The following ZSCAN1 variants were observed in gnomAD, a reference collection of about 807,000 sequenced individuals.
ZSCAN1 encodes zinc finger and SCAN domain containing 1, also known as zinc finger and SCAN domain-containing protein 1.
ZSCAN1 carries 23 observed loss-of-function variants against 23.8 expected under a neutral mutation model. The ratio of observed to expected loss-of-function variants is 0.97; its 90% CI spans 0.70 to 1.37. The LOEUF is 1.37. Among genes scored for constraint, ZSCAN1 ranks in the 40% most tolerant of loss-of-function variants. The pLI, the probability that ZSCAN1 is intolerant of heterozygous loss-of-function variation, is 0.00. For synonymous variants in ZSCAN1, 236 were observed against 232.3 expected (o/e 1.02, Z -0.15); for missense variants, 575 against 554.0 (o/e 1.04, Z -0.38).
chr19:58,055,758 G>A (rs1417753538), downstream of ZSCAN1, among the ~76,000 whole-genome samples: 3 of 152,264 alleles, frequency 2.0e-5, no homozygotes, highest in East Asian at 5.8e-4. Flanking sequence ...CACAATCACA[G>A]CTCAGTTTGT....
At chr19:58,038,761 C>G (rs1030001177) in intron 3 of ZSCAN1, among the ~76,000 whole-genome samples, 1 of 152,250 alleles carries the variant, frequency 6.6e-6, no homozygotes, top group African/African-American at 2.4e-5. Flanking sequence ...GACCCCACGT[C>G]GAGATTCCAT....
At position 58,045,957 on chromosome 19, in the gene ZSCAN1, G is replaced by A; in HGVS notation, c.465+5413G>A. ...AGGGCAAGCAGGTGGACAAGGCCAA[G>A]CTAGAGGCCACACTGCAGGAGAAGG... On this transcript the variant is annotated intron_variant, in intron 4 of 5. Transcript: ENST00000282326. This position sits in a 1 kb window ranked among gnomAD's most constrained non-coding sequence, Gnocchi z 4.3. 1 of 810,840 alleles carries A rather than the reference G, an allele frequency of 1.2e-6. No individual in the cohort carries two copies. The highest frequency in any genetic ancestry group is 2.1e-6 in the Non-Finnish European group (1 of 466,648). 50.2% of individuals were successfully genotyped at this position (810,840 alleles called of 1,614,324 possible).
chr19:58,042,022 A>C (rs1027192333), intron 4 of ZSCAN1, among the ~76,000 whole-genome samples: 13 of 152,202 alleles, frequency 8.5e-5, no homozygotes, highest in African/African-American at 2.4e-4. Context: ...ACCTTCAAAT[A>C]AGGAAGAGGA....
intron 4 of ZSCAN1, chr19:58,046,054 G>A (rs936041520): frequency 3.6e-5 from 25 of 685,714 alleles, no homozygotes; most frequent in Admixed American, 1.6e-4. Flanking sequence ...TGTTGAACCC[G>A]AATGTGTGGA....
At chr19:58,052,171 C>G (rs1397894703) in intron 4 of ZSCAN1, among the ~76,000 whole-genome samples, 2 of 152,238 alleles carry the variant, frequency 1.3e-5, no homozygotes, top group Admixed American at 1.3e-4. Flanking sequence ...GATCTTTGAA[C>G]AAGGGGATTT....
chr19:58,053,547 A>G lies in ZSCAN1; in HGVS notation c.723A>G (p.Pro241=). The G allele has an allele frequency of 6.2e-7, 1 of 1,614,144 alleles. No homozygotes were observed. Among genetic ancestry groups the G allele is most frequent in the Non-Finnish European group, 8.5e-7 (1 of 1,180,020 alleles). ...CTGTGATCTCGAGCCCCAAGGGTCC[A>G]AGTGCTCAGAGAATCAGTCCCCGAA... The part of the protein sequence containing the change: ...EGTVISSPKG[P]SAQRISPRRR... The change falls in exon 6 of 6, where the codon CCA becomes CCG. Residue 241 remains proline, a synonymous_variant. Transcript: ENST00000282326. This position sits in a 1 kb window ranked among gnomAD's most constrained non-coding sequence, Gnocchi z 5.8.
Position 58,049,699 on chromosome 19 carries a change from A to G in ZSCAN1, c.466-2791A>G, listed in dbSNP as rs918583635. ...AAGGTCCCTGAGATCCCATGGGCGT[A>G]TCTCCCTGAGGCCCTGGCGGGAATG... is the stretch of plus-strand genomic sequence containing the variant. On this transcript the variant is annotated intron_variant, in intron 4 of 5. Transcript: ENST00000282326. The surrounding 1 kb of genome is among the most constrained non-coding windows in gnomAD (Gnocchi z 4.5). 1.3e-5 allele frequency among the ~76,000 whole-genome samples: 2 copies of G among 152,206 alleles called. No individual in the cohort carries two copies. Among genetic ancestry groups the G allele is most frequent in the Non-Finnish European group, 2.9e-5 (2 of 68,040 alleles).
In ZSCAN1 at chr19:58,040,365, G is replaced by C; in HGVS notation, c.371-85G>C. 6.9e-7 allele frequency: 1 copy of C among 1,441,934 alleles called. No homozygotes were observed. The allele number at this position is 1,441,934 out of a possible 1,614,324, so 89.3% of individuals were successfully genotyped here. On this transcript the variant is annotated intron_variant, in intron 3 of 5. Coordinates refer to ENST00000282326, the MANE Select transcript of ZSCAN1 (RefSeq NM_182572.4). The surrounding 1 kb of genome is among the most constrained non-coding windows in gnomAD (Gnocchi z 5.8). ...CAGGGGTGCTGCAGGGATGTTCGGG[G>C]AAAGTCTGCCCTCCCCAGAAGGCCT...
rs1302030082 is a variant in ZSCAN1 at position 58,054,403 on chromosome 19, G to A, written c.*352G>A. ...ACCTGACTCAGCGGCAGCTTCTGCC[G>A]CTGGGTTTTCATTTCACTGTGGATA... On this transcript the variant is annotated 3_prime_UTR_variant, in exon 6 of 6. Transcript: ENST00000282326. The surrounding 1 kb of genome is among the most constrained non-coding windows in gnomAD (Gnocchi z 4.2). The A allele has an allele frequency of 2.4e-5, 5 of 206,416 alleles. No homozygotes were observed. The highest frequency in any genetic ancestry group is 1.1e-4 in the Admixed American group (2 of 18,898). The allele number at this position is 206,416 out of a possible 1,614,324, so 12.8% of individuals were successfully genotyped here.
chr19:58,052,468 A>G (rs377101656), intron 4 of ZSCAN1, 22 bp from the exon 5 acceptor site: 56 of 1,613,642 alleles, frequency 3.5e-5, no homozygotes, highest in Non-Finnish European at 4.5e-5. Flanking sequence ...GCTGCCGAAC[A>G]GTCCTGTGCT....
rs1038387505 is a variant in ZSCAN1, at chr19:58,045,059, G to C, written c.465+4515G>C. On this transcript the variant is annotated intron_variant, in intron 4 of 5. Transcript: ENST00000282326. The surrounding 1 kb of genome is among the most constrained non-coding windows in gnomAD (Gnocchi z 4.3). ...AAGTCCCGGGGGCAGAGAGGGTGCT[G>C]GGCGAGCTGAGGCACTACTACCATG... 7.1e-6 allele frequency: 8 copies of C among 1,130,708 alleles called. No homozygotes were observed. The East Asian group carries it at 1.7e-4, about 23-fold the overall frequency. 70.0% of individuals were successfully genotyped at this position (1,130,708 alleles called of 1,614,324 possible). A position where few individuals can be genotyped will look rare whatever the true frequency, so the allele number is the denominator to read the frequency against.
chr19:58,047,086 G>A lies in ZSCAN1; in HGVS notation c.466-5404G>A, dbSNP rs2073831236. On this transcript the variant is annotated intron_variant, in intron 4 of 5. Transcript: ENST00000282326. This position sits in a 1 kb window ranked among gnomAD's most constrained non-coding sequence, Gnocchi z 4.9. ...GCCTCACGTCTCAGTGTCTGACTGTGCTGCCCTGTGCCCAGGGAGGAGAAT... is the reference window on the plus strand; with the variant it reads ...GCCTCACGTCTCAGTGTCTGACTGTACTGCCCTGTGCCCAGGGAGGAGAAT... Among the ~76,000 whole-genome samples the A allele has an allele frequency of 6.6e-6, 1 of 152,204 alleles. No homozygotes were observed. The highest frequency in any genetic ancestry group is 2.1e-4 in the South Asian group (1 of 4,832).
At chr19:58,042,348 C>G (rs1398269174) in intron 4 of ZSCAN1, among the ~76,000 whole-genome samples, 1 of 151,848 alleles carries the variant, frequency 6.6e-6, no homozygotes, top group African/African-American at 2.4e-5. Flanking sequence ...AGCTCTGCCT[C>G]CCGGGTTCAC....
intron 3 of ZSCAN1, 140 bp downstream of exon 3, chr19:58,038,346 C>A: frequency 8.9e-7 from 1 of 1,128,410 alleles, no homozygotes; most frequent in Non-Finnish European, 1.2e-6. Context: ...TGCCCCGCGG[C>A]TGTGTTTTTA....
rs2073732801 is a variant in ZSCAN1, at chr19:58,036,024, C to G, written c.-110+13C>G. ...GAGATTCAGAGAAGTATGAACAGCACAAAGCACTTGGCCGCCCCCCATGGG... is the reference window on the plus strand; with the variant it reads ...GAGATTCAGAGAAGTATGAACAGCAGAAAGCACTTGGCCGCCCCCCATGGG... On this transcript the variant is annotated intron_variant, in intron 2 of 5. Coordinates refer to ENST00000282326, the MANE Select transcript of ZSCAN1 (RefSeq NM_182572.4). 1 of 152,224 alleles carries G rather than the reference C, an allele frequency of 6.6e-6. No homozygotes were observed. Among genetic ancestry groups the G allele is most frequent in the Non-Finnish European group, 1.5e-5 (1 of 68,046 alleles). 9.4% of individuals were successfully genotyped at this position (152,224 alleles called of 1,614,324 possible).
chr19:58,042,282 G>T (rs1310427621), intron 4 of ZSCAN1, among the ~76,000 whole-genome samples: 3 of 150,522 alleles, frequency 2.0e-5, no homozygotes, highest in Non-Finnish European at 4.4e-5. Flanking sequence ...TTTTTTAATG[G>T]AGTCTTGCTC....
Position 58,045,280 on chromosome 19 carries a change from T to C in ZSCAN1, c.465+4736T>C. Reference sequence around the variant, plus strand: ...CTGCTGCCTGTTGCTGTGAAACTCTTCCCCAACATGTTGCCATCCACATCC... The same window carrying C: ...CTGCTGCCTGTTGCTGTGAAACTCTCCCCCAACATGTTGCCATCCACATCC... On this transcript the variant is annotated intron_variant, in intron 4 of 5. Transcript: ENST00000282326. The surrounding 1 kb of genome is among the most constrained non-coding windows in gnomAD (Gnocchi z 4.3). 1.3e-6 allele frequency: 1 copy of C among 792,564 alleles called. No individual in the cohort carries two copies. The allele number at this position is 792,564 out of a possible 1,614,324, so 49.1% of individuals were successfully genotyped here.
intron 3 of ZSCAN1, among the ~76,000 whole-genome samples, chr19:58,039,346 C>T (rs1010218491): frequency 3.9e-5 from 6 of 152,350 alleles, no homozygotes; most frequent in African/African-American, 1.4e-4. Flanking sequence ...CATGGTCACT[C>T]TCAAAATTCA....
intron 4 of ZSCAN1, chr19:58,046,663 C>T: frequency 1.1e-6 from 1 of 878,278 alleles, no homozygotes; most frequent in Non-Finnish European, 2.0e-6. Context: ...AGAAGATGTT[C>T]ACGTCTCCAC....
Sources: allele counts gnomAD v4.1 joint callset (sites outside exome capture counted in the v4.1 genomes callset), GRCh38; gene constraint gnomAD v4.1.1; non-coding constraint Gnocchi (gnomAD v3.1); transcripts MANE v1.5; gene names NCBI Gene and HGNC (gene_info 2026-07-23, HGNC 2026-07-21).